Variants in EEFSEC observed in about 807,000 individuals in gnomAD.
EEFSEC encodes the protein eukaryotic elongation factor, selenocysteine-tRNA specific.
Under a neutral mutation model 42.1 loss-of-function variants are expected in EEFSEC, and 43 were observed. That is an observed-to-expected ratio of 1.02 (90% CI 0.80 to 1.32). The LOEUF (loss-of-function observed/expected upper bound fraction) is 1.32, where lower values mean the gene tolerates loss of function less well. Ranked by LOEUF, EEFSEC falls within the 40% of genes most tolerant of loss-of-function variation. The pLI is 0.00. For synonymous variants in EEFSEC, 354 were observed against 339.1 expected (o/e 1.04, Z -0.48); for missense variants, 745 against 803.6 (o/e 0.93, Z 0.88).
chr3:128,159,435 C>A (rs1168280358), intron 1 of EEFSEC, among the ~76,000 whole-genome samples: 2 of 152,214 alleles, frequency 1.3e-5, no homozygotes, highest in Admixed American at 6.5e-5. Context: ...TGCTTATTCT[C>A]CTCCTCCCTC....
chr3:128,362,149 T>C, intron 6 of EEFSEC: 1 of 483,582 alleles, frequency 2.1e-6, no homozygotes, highest in Non-Finnish European at 4.3e-6. Context: ...CTCCCAAAGC[T>C]CATCTTGGCA....
intron 1 of EEFSEC, among the ~76,000 whole-genome samples, chr3:128,182,941 G>A (rs2065427482): frequency 6.6e-6 from 1 of 152,026 alleles, no homozygotes; most frequent in Non-Finnish European, 1.5e-5. Flanking sequence ...GAGAGAAGGA[G>A]CGGGAAGAGG....
At chr3:128,181,850 A>G (rs563323965) in intron 1 of EEFSEC, among the ~76,000 whole-genome samples, 11 of 152,214 alleles carry the variant, frequency 7.2e-5, no homozygotes, top group Admixed American at 5.2e-4. Flanking sequence ...GTCTCGCTCT[A>G]TTGCTCAGGC....
chr3:128,338,750 G>C (rs760148040), intron 4 of EEFSEC, among the ~76,000 whole-genome samples: 22 of 152,196 alleles, frequency 1.4e-4, no homozygotes, highest in Middle Eastern at 3.2e-3. Flanking sequence ...GCTAAGGAGT[G>C]GGGGCTCAGC....
At chr3:128,208,493 C>A (rs556860476) in intron 1 of EEFSEC, among the ~76,000 whole-genome samples, 1 of 152,194 alleles carries the variant, frequency 6.6e-6, no homozygotes, top group Non-Finnish European at 1.5e-5. Context: ...GTCACACCTT[C>A]AACCTGAAGA....
intron 4 of EEFSEC, among the ~76,000 whole-genome samples, chr3:128,321,192 G>A (rs950372840): frequency 6.6e-6 from 1 of 152,162 alleles, no homozygotes; most frequent in Non-Finnish European, 1.5e-5. Flanking sequence ...GGGAAGCTCT[G>A]GGGGAGAGTG....
intron 6 of EEFSEC, among the ~76,000 whole-genome samples, chr3:128,369,130 T>A (rs7613410): frequency 1.3e-5 from 2 of 152,206 alleles, no homozygotes; most frequent in African/African-American, 4.8e-5. Context: ...AGGAGCTAGA[T>A]GACTGGCCCA....
chr3:128,370,111 G>T (rs945371729), intron 6 of EEFSEC, among the ~76,000 whole-genome samples: 3 of 152,226 alleles, frequency 2.0e-5, no homozygotes, highest in African/African-American at 7.2e-5. Context: ...TGATGTTTTT[G>T]AAGAGCCCAG....
At position 128,170,552 on chromosome 3, in the gene EEFSEC, C is replaced by A. The variant is rs541454376; in HGVS notation, c.316+16729C>A. Among the ~76,000 whole-genome samples the A allele has an allele frequency of 2.6e-5, 4 of 151,748 alleles. No individual in the cohort carries two copies. The East Asian group carries it at 7.8e-4, about 29-fold the overall frequency. ...CCAGTTTGGTCTTCTGGTGACAGAACCTTGCCCATAGGTTAGAGGAAATAA... is the reference window on the plus strand; with the variant it reads ...CCAGTTTGGTCTTCTGGTGACAGAAACTTGCCCATAGGTTAGAGGAAATAA... On this transcript the variant is annotated intron_variant, in intron 1 of 6. Coordinates refer to ENST00000254730, the MANE Select transcript of EEFSEC (RefSeq NM_021937.5).
chr3:128,361,976 G>A (rs1319237649), intron 6 of EEFSEC, among the ~76,000 whole-genome samples: 7 of 152,196 alleles, frequency 4.6e-5, no homozygotes, highest in South Asian at 2.1e-4. Flanking sequence ...GGTGGGAGCC[G>A]GGTAGCAGAG....
At chr3:128,240,525 C>G (rs567998189) in intron 1 of EEFSEC, among the ~76,000 whole-genome samples, 1 of 152,292 alleles carries the variant, frequency 6.6e-6, no homozygotes, top group South Asian at 2.1e-4. Flanking sequence ...ATTTCCAAAT[C>G]CTCTGAGCCT....
intron 1 of EEFSEC, among the ~76,000 whole-genome samples, chr3:128,239,386 G>T (rs2999078): frequency 6.6e-6 from 1 of 152,200 alleles, no homozygotes; most frequent in African/African-American, 2.4e-5. Context: ...CATGTGGCAG[G>T]TGCTGGGTGA....
intron 6 of EEFSEC, among the ~76,000 whole-genome samples, chr3:128,391,270 T>G (rs1347509605): frequency 6.6e-6 from 1 of 152,256 alleles, no homozygotes; most frequent in Non-Finnish European, 1.5e-5. Context: ...TGCTCATTAA[T>G]TCCAAAAGGC....
At chr3:128,325,206 G>C (rs554399361) in intron 4 of EEFSEC, among the ~76,000 whole-genome samples, 2 of 152,318 alleles carry the variant, frequency 1.3e-5, no homozygotes, top group African/African-American at 4.8e-5. Flanking sequence ...GGGGAAGGGG[G>C]AAGGGGGAAG....
At chr3:128,215,230 G>T (rs1217391706) in intron 1 of EEFSEC, among the ~76,000 whole-genome samples, 2 of 152,112 alleles carry the variant, frequency 1.3e-5, no homozygotes. Flanking sequence ...TGAATGTTAG[G>T]GGGTGAAGCT....
At chr3:128,273,830 A>G (rs2066439554) in intron 4 of EEFSEC, among the ~76,000 whole-genome samples, 1 of 152,204 alleles carries the variant, frequency 6.6e-6, no homozygotes, top group Non-Finnish European at 1.5e-5. Flanking sequence ...GGGGACAGGC[A>G]GGAGTGGTGC....
chr3:128,345,792 A>AG (rs1442242894), intron 5 of EEFSEC, among the ~76,000 whole-genome samples: 1 of 152,224 alleles, frequency 6.6e-6, no homozygotes, highest in Non-Finnish European at 1.5e-5. Context: ...ACTTTCCGCC[A>AG]GGGGGGCTTA....
At chr3:128,349,916 C>G (rs984754319) in intron 5 of EEFSEC, among the ~76,000 whole-genome samples, 1 of 152,234 alleles carries the variant, frequency 6.6e-6, no homozygotes, top group Non-Finnish European at 1.5e-5. Context: ...TTTATTTGGA[C>G]TTTCCTCTGG....
At chr3:128,255,622 G>A (rs1436619552) in intron 2 of EEFSEC, among the ~76,000 whole-genome samples, 1 of 152,200 alleles carries the variant, frequency 6.6e-6, no homozygotes, top group Non-Finnish European at 1.5e-5. Flanking sequence ...CACTTAAAAG[G>A]GAAGGAGACA....
Sources: gnomAD v4.1 joint callset for allele counts (sites outside exome capture counted in the v4.1 genomes callset) on GRCh38, gnomAD v4.1.1 for gene constraint, MANE v1.5 for transcripts, NCBI Gene and HGNC (gene_info 2026-07-23, HGNC 2026-07-21) for gene names.